The following CPEB3 variants were observed in gnomAD, a reference collection of about 807,000 sequenced individuals.
The protein encoded by CPEB3 is cytoplasmic polyadenylation element-binding protein 3.
CPEB3 carries 20 observed loss-of-function variants against 67.2 expected under a neutral mutation model. That is an observed-to-expected ratio of 0.30 (90% CI 0.21 to 0.43). The LOEUF is 0.43. Ranked by LOEUF, CPEB3 falls within the 20% of genes least tolerant of loss-of-function variation. The pLI is 1.00. For synonymous variants in CPEB3, 376 were observed against 393.1 expected, an observed-to-expected ratio of 0.96 and a Z score of 0.51; for missense variants, 746 against 968.6, an observed-to-expected ratio of 0.77 and a Z score of 3.05.
At chr10:92,213,468 A>G (rs1850192694) in intron 2 of CPEB3, among the ~76,000 whole-genome samples, 1 of 152,230 alleles carries the variant, frequency 6.6e-6, no homozygotes, top group Non-Finnish European at 1.5e-5. Flanking sequence ...AATTACCAAA[A>G]TTAAAATCCA....
At chr10:92,241,455 C>A (rs1183972181) in intron 1 of CPEB3, among the ~76,000 whole-genome samples, 2 of 152,190 alleles carry the variant, frequency 1.3e-5, no homozygotes, top group East Asian at 1.9e-4. Context: ...AGAATCCATT[C>A]TCTTATCACT....
intron 4 of CPEB3, among the ~76,000 whole-genome samples, chr10:92,162,141 C>A (rs1847516745): frequency 6.9e-6 from 1 of 145,562 alleles, no homozygotes; most frequent in Non-Finnish European, 1.5e-5. Flanking sequence ...AGATAGAATT[C>A]TTTTTTTTTT....
intron 4 of CPEB3, among the ~76,000 whole-genome samples, chr10:92,171,622 T>C (rs1257150502): frequency 6.6e-6 from 1 of 152,006 alleles, no homozygotes; most frequent in Non-Finnish European, 1.5e-5. Context: ...TATGTACTCC[T>C]TTTTTTTCCC....
chr10:92,056,346 C>T (rs1167016055), intron 9 of CPEB3, among the ~76,000 whole-genome samples: 3 of 152,168 alleles, frequency 2.0e-5, no homozygotes, highest in African/African-American at 7.2e-5. Flanking sequence ...GAATAGAAGT[C>T]TCCACCCATC....
chr10:92,187,073 TAAG>T lies in CPEB3; in HGVS notation c.1165+5401_1165+5403del. ...GTAATGAAGGCATATTTTTCTAAAA[TAAG>T]AAGACCTCAAAATTCCGTAAGAGGG... On this transcript the variant is annotated intron_variant, in intron 3 of 9. Coordinates refer to ENST00000265997, the MANE Select transcript of CPEB3 (RefSeq NM_014912.5). Among the ~76,000 whole-genome samples, 3 of 152,260 alleles carry T rather than the reference TAAG, an allele frequency of 2.0e-5. 1 individual carries two copies. Among genetic ancestry groups the T allele is most frequent in the African/African-American group, 7.2e-5 (3 of 41,552 alleles).
At chr10:92,098,758 TTTTC>T (rs2133367877) in intron 7 of CPEB3, among the ~76,000 whole-genome samples, 1 of 149,646 alleles carries the variant, frequency 6.7e-6, no homozygotes, top group Admixed American at 6.6e-5. Flanking sequence ...GTTTAACTAT[TTTTC>T]TTTTTTTCTT....
intron 3 of CPEB3, among the ~76,000 whole-genome samples, chr10:92,189,684 G>T (rs902890255): frequency 1.9e-4 from 27 of 145,662 alleles, no homozygotes; most frequent in South Asian, 6.7e-4. Flanking sequence ...CCTCTAGGTA[G>T]AGAGTCTCTA....
In CPEB3 at chr10:92,166,336, C is replaced by T. The variant is rs549141212; in HGVS notation, c.1222+14627G>A. On this transcript the variant is annotated intron_variant, in intron 4 of 9. Coordinates refer to ENST00000265997, the MANE Select transcript of CPEB3 (RefSeq NM_014912.5). ...GTTGACCAGGCTGGTCTCAAACTCTCGACCTCAGGTGATCCACCCTCCTCG... is the reference window on the plus strand; with the variant it reads ...GTTGACCAGGCTGGTCTCAAACTCTTGACCTCAGGTGATCCACCCTCCTCG... Among the ~76,000 whole-genome samples the T allele has an allele frequency of 3.3e-5, 5 of 152,082 alleles. No homozygotes were observed. In the South Asian group the frequency reaches 6.2e-4, roughly 19 times the overall value.
At chr10:92,259,762 C>T (rs2134879279) in intron 1 of CPEB3, among the ~76,000 whole-genome samples, 2 of 152,216 alleles carry the variant, frequency 1.3e-5, no homozygotes, top group South Asian at 4.1e-4. Context: ...TTCTCAGAGC[C>T]AGTATAATAT....
At chr10:92,136,033 G>A (rs1237191966) in intron 6 of CPEB3, among the ~76,000 whole-genome samples, 1 of 151,660 alleles carries the variant, frequency 6.6e-6, no homozygotes, top group Non-Finnish European at 1.5e-5. Flanking sequence ...CAGGGGGAGG[G>A]ATAGCATTAG....
At chr10:92,198,880 T>C (rs762070536) in intron 2 of CPEB3, among the ~76,000 whole-genome samples, 1 of 152,104 alleles carries the variant, frequency 6.6e-6, no homozygotes, top group Non-Finnish European at 1.5e-5. Flanking sequence ...GTGTGATCCA[T>C]GAACAATGGA....
chr10:92,094,897 A>G (rs1843789106), intron 7 of CPEB3, among the ~76,000 whole-genome samples: 1 of 152,182 alleles, frequency 6.6e-6, no homozygotes, highest in East Asian at 1.9e-4. Flanking sequence ...CTAATAAAGC[A>G]GTTAAGGCAG....
chr10:92,183,363 T>C (rs1422999150), intron 3 of CPEB3, among the ~76,000 whole-genome samples: 1 of 152,174 alleles, frequency 6.6e-6, no homozygotes, highest in Non-Finnish European at 1.5e-5. Context: ...AAATTATAGT[T>C]GGCAACAAGT....
intron 4 of CPEB3, among the ~76,000 whole-genome samples, chr10:92,166,804 T>A (rs561551438): frequency 3.9e-5 from 6 of 152,324 alleles, no homozygotes; most frequent in African/African-American, 9.6e-5. Flanking sequence ...AGCCTATCCT[T>A]TGAAGCCAGG....
intron 2 of CPEB3, among the ~76,000 whole-genome samples, chr10:92,227,493 TGGG>T (rs1452367676): frequency 6.6e-6 from 1 of 152,208 alleles, no homozygotes; most frequent in Admixed American, 6.5e-5. Flanking sequence ...AATAGCTATA[TGGG>T]TAACAAAAAT....
rs552288095 is a variant in CPEB3 at position 92,195,526 on chromosome 10, G to T, written c.1006-2890C>A. 2.6e-5 allele frequency among the ~76,000 whole-genome samples: 4 copies of T among 152,280 alleles called. No homozygotes were observed. In the East Asian group the frequency reaches 7.7e-4, roughly 29 times the overall value. On this transcript the variant is annotated intron_variant, in intron 2 of 9. Coordinates refer to ENST00000265997, the MANE Select transcript of CPEB3 (RefSeq NM_014912.5). ...GTCCAAAGAAAAAGCCAGAGGTAAA[G>T]AAGTATGCTGATGAGGAGGCAAAAT...
chr10:92,074,443 C>A (rs1337782775), intron 9 of CPEB3, among the ~76,000 whole-genome samples: 2 of 152,212 alleles, frequency 1.3e-5, no homozygotes, highest in African/African-American at 4.8e-5. Flanking sequence ...TTTCATTATA[C>A]TGGCATTTAA....
intron 6 of CPEB3, among the ~76,000 whole-genome samples, chr10:92,115,969 G>A (rs1376295862): frequency 2.2e-4 from 33 of 151,808 alleles, no homozygotes; most frequent in South Asian, 4.1e-4. Flanking sequence ...TTCTCGTCAC[G>A]ATTTGCTTTT....
intron 7 of CPEB3, 79 bp from the exon 8 acceptor site, chr10:92,092,023 C>T (rs1843639871): frequency 2.3e-6 from 2 of 864,024 alleles, no homozygotes; most frequent in Non-Finnish European, 3.9e-6. Context: ...AAGACAAACC[C>T]ACTGATTTGT....
Sources: gnomAD v4.1 joint callset for allele counts (sites outside exome capture counted in the v4.1 genomes callset) on GRCh38, gnomAD v4.1.1 for gene constraint, MANE v1.5 for transcripts, NCBI Gene and HGNC (gene_info 2026-07-23, HGNC 2026-07-21) for gene names.